Variants in PRDM8 observed in about 807,000 individuals in gnomAD.
The protein encoded by PRDM8 is PR domain zinc finger protein 8.
PRDM8 carries 13 observed loss-of-function variants against 46.5 expected under a neutral mutation model. The ratio of observed to expected loss-of-function variants is 0.28; its 90% CI spans 0.18 to 0.44. The LOEUF is 0.44. PRDM8 is among the 20% of genes least tolerant of loss of function. The probability of loss-of-function intolerance (pLI) is 1.00; values close to 1 mark genes in which losing one functional copy is unlikely to be tolerated. For synonymous variants in PRDM8, 473 were observed against 438.4 expected (o/e 1.08, Z -0.98); for missense variants, 998 against 955.0 (o/e 1.04, Z -0.59).
At chr4:80,199,737 G>GTGTGTGTA (rs1553905032) in intron 1 of PRDM8, among the ~76,000 whole-genome samples, 3,569 of 140,436 alleles carry the variant, frequency 0.025, 116 homozygotes, top group East Asian at 0.08. Flanking sequence ...GTGTGTGTGT[G>GTGTGTGTA]TACATATATA....
At chr4:80,192,956 G>C (rs1301092927), upstream of PRDM8, among the ~76,000 whole-genome samples, 1 of 152,206 alleles carries the variant, frequency 6.6e-6, no homozygotes, top group Admixed American at 6.5e-5. Context: ...ATTCTCAGCT[G>C]AACTCCAACA....
Position 80,203,062 on chromosome 4 carries a change from C to A in PRDM8, c.1600C>A (p.Pro534Thr). 6.4e-7 allele frequency: 1 copy of A among 1,564,232 alleles called. No individual in the cohort carries two copies. The highest frequency in any genetic ancestry group is 1.8e-5 in the Admixed American group (1 of 56,676). ...ATGCCACCCCGCCGACGGCGTGGGC[C>A]CCACCAGACTCTATCCCGCCGCCGC... ...EPCHPADGVG[P>T]TRLYPAAADP... Residue 534 changes from proline (P) to threonine (T), a missense_variant, in exon 4 of 4, where the codon CCC (proline) becomes ACC (threonine). Physicochemically the swap from Pro to Thr is conservative, Grantham distance 38. Transcript: ENST00000415738.
In PRDM8 at chr4:80,203,597, A is replaced by G; in HGVS notation, c.*65A>G. On this transcript the variant is annotated 3_prime_UTR_variant, in exon 4 of 4. Coordinates refer to ENST00000415738, the MANE Select transcript of PRDM8 (RefSeq NM_001099403.2). ...AGTTAAGCCACCTGCAGGAATAAAC[A>G]CGCGAGAACATCCACCGCTTCCTTG... 3 of 1,503,506 alleles carry G rather than the reference A, an allele frequency of 2.0e-6. No homozygotes were observed. 93.1% of individuals were successfully genotyped at this position (1,503,506 alleles called of 1,614,324 possible).
Position 80,203,394 on chromosome 4 carries a change from G to A in PRDM8, c.1932G>A (p.Met644Ile). ...FRMTSDLVYH[M>I]RSHHKKEYAM... ...TGACCTCCGACCTGGTGTACCATATGAGGTCGCACCACAAAAAGGAGTATG... is the reference window on the plus strand; with the variant it reads ...TGACCTCCGACCTGGTGTACCATATAAGGTCGCACCACAAAAAGGAGTATG... Residue 644 changes from methionine to isoleucine, a missense_variant, in exon 4 of 4, where the codon ATG becomes ATA. Physicochemically the swap from Met to Ile is conservative, Grantham distance 10. Transcript: ENST00000415738. 6.2e-7 allele frequency: 1 copy of A among 1,613,944 alleles called. No homozygotes were observed. Among genetic ancestry groups the A allele is most frequent in the Non-Finnish European group, 8.5e-7 (1 of 1,179,970 alleles).
At position 80,202,645 on chromosome 4, in the gene PRDM8, G is replaced by T; in HGVS notation, c.1183G>T (p.Ala395Ser). The T allele has an allele frequency of 6.6e-7, 1 of 1,508,368 alleles. No homozygotes were observed. Among genetic ancestry groups the T allele is most frequent in the Non-Finnish European group, 8.8e-7 (1 of 1,133,812 alleles). 93.4% of individuals were successfully genotyped at this position (1,508,368 alleles called of 1,614,324 possible). ...AFVEVKKAAR[A>S]ASLQEEGTAD... ...CGTGGAGGTGAAGAAGGCTGCCCGC[G>T]CGGCCAGCCTGCAGGAGGAGGGGAC... is the stretch of plus-strand genomic sequence containing the variant. The change falls in exon 4 of 4, where the codon GCG (alanine) becomes TCG (serine). Residue 395 changes from alanine to serine, a missense_variant. Physicochemically the swap from Ala to Ser is moderately conservative, Grantham distance 99. Coordinates refer to ENST00000415738, the MANE Select transcript of PRDM8 (RefSeq NM_001099403.2).
rs570835322 is a variant in PRDM8, at chr4:80,197,580, C to A, written c.-186C>A. ...CCCTCCCTCCCTCCCTCCACCCCCC[C>A]AATCTTTTTCTCCCCATCTCTCCAT... On this transcript the variant is annotated 5_prime_UTR_variant, in exon 1 of 4. Coordinates refer to ENST00000415738, the MANE Select transcript of PRDM8 (RefSeq NM_001099403.2). The A allele has an allele frequency of 4.1e-6, 4 of 977,896 alleles. No individual in the cohort carries two copies. Among genetic ancestry groups the A allele is most frequent in the South Asian group, 4.7e-5 (1 of 21,142 alleles). 60.6% of individuals were successfully genotyped at this position (977,896 alleles called of 1,614,324 possible). A position where few individuals can be genotyped will look rare whatever the true frequency, so the allele number is the denominator to read the frequency against.
upstream of PRDM8, chr4:80,194,143 C>G: frequency 1.1e-6 from 1 of 907,976 alleles, no homozygotes; most frequent in Non-Finnish European, 1.3e-6. Flanking sequence ...TGTCATTTAT[C>G]AACCTCTCTC....
At chr4:80,188,412 A>G (rs1466645149) in intron 1 of PRDM8, among the ~76,000 whole-genome samples, 3 of 152,230 alleles carry the variant, frequency 2.0e-5, no homozygotes, top group Non-Finnish European at 4.4e-5. Flanking sequence ...ACAAAAGCAT[A>G]GAGATACTAA....
At chr4:80,185,580 G>A (rs1482432490) in intron 1 of PRDM8, 1 of 152,284 alleles carries the variant, frequency 6.6e-6, no homozygotes, top group East Asian at 1.9e-4. Context: ...CACAGAGTGT[G>A]GTTGGGAGCT....
intron 3 of PRDM8, 22 bp downstream of exon 3, chr4:80,201,543 G>C (rs372942390): frequency 3.8e-5 from 61 of 1,604,252 alleles, no homozygotes; most frequent in Non-Finnish European, 5.0e-5. Flanking sequence ...CGCGACCGGC[G>C]TGTGGGCCCT....
chr4:80,195,644 A>G (rs1481525640), upstream of PRDM8, among the ~76,000 whole-genome samples: 1 of 152,068 alleles, frequency 6.6e-6, no homozygotes, highest in East Asian at 1.9e-4. Context: ...CATGTGAGAG[A>G]GCCCTCATTG....
At chr4:80,188,754 T>A (rs1737312861) in intron 1 of PRDM8, among the ~76,000 whole-genome samples, 4 of 152,190 alleles carry the variant, frequency 2.6e-5, no homozygotes, top group African/African-American at 9.6e-5. Context: ...GGGGAAAACG[T>A]AAAGCTCCCG....
Position 80,202,118 on chromosome 4 carries a change from C to G in PRDM8, c.656C>G (p.Ala219Gly), listed in dbSNP as rs778202752. 1.2e-6 allele frequency: 2 copies of G among 1,607,416 alleles called. No homozygotes were observed. Among genetic ancestry groups the G allele is most frequent in the South Asian group, 2.2e-5 (2 of 90,764 alleles). ...GACCAGCAGCAGCAGCAGCAGGAGG[C>G]ACCTTTAGGCCCGGGTCCCAAGTTT... ...GKDQQQQQQEAPLGPGPKFCK... is the reference protein window; with the variant it reads ...GKDQQQQQQEGPLGPGPKFCK... Residue 219 changes from alanine to glycine, a missense_variant, in exon 4 of 4, where the codon GCA (alanine) becomes GGA (glycine). Physicochemically the swap from Ala to Gly is moderately conservative, Grantham distance 60. Transcript: ENST00000415738.
chr4:80,203,372 C>T lies in PRDM8; in HGVS notation c.1910C>T (p.Thr637Ile). 6.2e-7 allele frequency: 1 copy of T among 1,614,110 alleles called. No homozygotes were observed. The highest frequency in any genetic ancestry group is 8.5e-7 in the Non-Finnish European group (1 of 1,180,016). Residue 637 changes from threonine (T) to isoleucine (I), a missense_variant, in exon 4 of 4, where the codon ACC (threonine) becomes ATC (isoleucine). By Grantham distance (89) the Thr-to-Ile change is moderately conservative. Coordinates refer to ENST00000415738, the MANE Select transcript of PRDM8 (RefSeq NM_001099403.2). ...CAKCNASFRM[T>I]SDLVYHMRSH... ...AAGTGCAATGCCTCCTTCCGCATGA[C>T]CTCCGACCTGGTGTACCATATGAGG... is the stretch of plus-strand genomic sequence containing the variant.
upstream of PRDM8, among the ~76,000 whole-genome samples, chr4:80,195,346 T>C (rs1188157009): frequency 6.6e-6 from 1 of 152,230 alleles, no homozygotes; most frequent in Non-Finnish European, 1.5e-5. Flanking sequence ...TCTTTATTTT[T>C]CTTCTTTCTT....
upstream of PRDM8, chr4:80,196,437 G>T (rs1253356770): frequency 1.0e-6 from 1 of 985,308 alleles, no homozygotes; most frequent in Non-Finnish European, 1.2e-6. Context: ...CAACTTGCAG[G>T]CTGTTAAAGA....
chr4:80,196,046 C>T, upstream of PRDM8: 1 of 985,064 alleles, frequency 1.0e-6, no homozygotes, highest in Non-Finnish European at 1.2e-6. Flanking sequence ...GGACTGCAGT[C>T]ACCAGGCTGT....
chr4:80,187,885 G>T (rs906944062), intron 1 of PRDM8, among the ~76,000 whole-genome samples: 1 of 152,150 alleles, frequency 6.6e-6, no homozygotes, highest in African/African-American at 2.4e-5. Flanking sequence ...CCAGCTCTGG[G>T]TCTCCATTCC....
upstream of PRDM8, chr4:80,196,439 TG>T (rs1480022889): frequency 1.0e-6 from 1 of 985,338 alleles, no homozygotes; most frequent in African/African-American, 1.7e-5. Context: ...ACTTGCAGGC[TG>T]TTAAAGACCT....
Sources: gnomAD v4.1 joint callset for allele counts (sites outside exome capture counted in the v4.1 genomes callset) on GRCh38, gnomAD v4.1.1 for gene constraint, MANE v1.5 for transcripts, NCBI Gene and HGNC (gene_info 2026-07-23, HGNC 2026-07-21) for gene names.